Variants in UTRN observed in about 807,000 individuals in gnomAD.
UTRN encodes dystrophin-related protein 1.
A neutral mutation model predicts 463.9 loss-of-function variants in UTRN; 283 were observed. That is an observed-to-expected ratio of 0.61 (90% CI 0.55 to 0.67). The LOEUF (loss-of-function observed/expected upper bound fraction) is 0.67, where lower values mean the gene tolerates loss of function less well. UTRN is among the 30% of genes least tolerant of loss of function. The pLI, the probability that UTRN is intolerant of heterozygous loss-of-function variation, is 0.00. For missense variants in UTRN, 3,922 were observed against 4,084.3 expected (o/e 0.96, Z 1.08); for synonymous variants, 1,442 against 1,431.5 (o/e 1.01, Z -0.17).
chr6:144,386,725 A>C (rs1270158616), intron 2 of UTRN, among the ~76,000 whole-genome samples: 2 of 152,108 alleles, frequency 1.3e-5, no homozygotes, highest in Non-Finnish European at 2.9e-5. Flanking sequence ...TGCTTATTAT[A>C]AATATTTATC....
chr6:144,349,901 T>C (rs1325054445), intron 2 of UTRN, among the ~76,000 whole-genome samples: 2 of 152,222 alleles, frequency 1.3e-5, no homozygotes, highest in Non-Finnish European at 2.9e-5. Context: ...TCGCTCCTGC[T>C]CCAGTATTTT....
chr6:144,399,535 G>A (rs1782749517), intron 2 of UTRN, among the ~76,000 whole-genome samples: 1 of 152,112 alleles, frequency 6.6e-6, no homozygotes, highest in Non-Finnish European at 1.5e-5. Context: ...TTGGCTAAAG[G>A]TCTAGGTGCT....
At chr6:144,372,716 T>C (rs1780108284) in intron 2 of UTRN, among the ~76,000 whole-genome samples, 1 of 152,138 alleles carries the variant, frequency 6.6e-6, no homozygotes, top group South Asian at 2.1e-4. Flanking sequence ...TTGGCCCGGC[T>C]GGTCTTGAAC....
At chr6:144,572,738 T>C (rs531895942) in intron 50 of UTRN, among the ~76,000 whole-genome samples, 1 of 152,354 alleles carries the variant, frequency 6.6e-6, no homozygotes, top group East Asian at 1.9e-4. Flanking sequence ...CATTCTTTTT[T>C]ATGGCTGCAT....
chr6:144,750,726 T>G (rs986702088), intron 55 of UTRN, among the ~76,000 whole-genome samples: 1 of 152,216 alleles, frequency 6.6e-6, no homozygotes, highest in Non-Finnish European at 1.5e-5. Flanking sequence ...TAGCTTAATA[T>G]TGCTCAAATA....
intron 69 of UTRN, among the ~76,000 whole-genome samples, chr6:144,833,979 TA>T (rs1343145584): frequency 2.0e-5 from 3 of 152,212 alleles, no homozygotes; most frequent in Non-Finnish European, 4.4e-5. Context: ...AGTGGTGCAG[TA>T]CCCATACTCT....
At chr6:144,507,053 T>C (rs1345406159) in intron 34 of UTRN, among the ~76,000 whole-genome samples, 1 of 152,014 alleles carries the variant, frequency 6.6e-6, no homozygotes, top group East Asian at 1.9e-4. Context: ...GCTTGATCGA[T>C]TCAGCTATTG....
chr6:144,798,344 G>T (rs1290084230), intron 64 of UTRN, among the ~76,000 whole-genome samples: 1 of 152,092 alleles, frequency 6.6e-6, no homozygotes, highest in African/African-American at 2.4e-5. Context: ...TGAGGTCTTG[G>T]GGTCAAACTT....
chr6:144,652,619 G>A (rs745314883), intron 51 of UTRN, among the ~76,000 whole-genome samples: 10 of 152,124 alleles, frequency 6.6e-5, no homozygotes, highest in African/African-American at 9.7e-5. Context: ...ACTTTAGACC[G>A]TAGTATCACA....
intron 50 of UTRN, among the ~76,000 whole-genome samples, chr6:144,559,495 A>G (rs903512745): frequency 6.6e-6 from 1 of 152,158 alleles, no homozygotes; most frequent in Non-Finnish European, 1.5e-5. Context: ...ACTATTTTAA[A>G]TGGACATCTT....
At chr6:144,768,953 G>GTTTTTTTTTTTT (rs1224806677) in intron 58 of UTRN, among the ~76,000 whole-genome samples, 8 of 105,080 alleles carry the variant, frequency 7.6e-5, no homozygotes, top group South Asian at 7.3e-4. Flanking sequence ...TTTTTGTTTT[G>GTTTTTTTTTTTT]TTTTGTTTTT....
At chr6:144,487,889 A>G (rs534509720) in intron 29 of UTRN, among the ~76,000 whole-genome samples, 192 bp downstream of exon 29, 45 of 152,314 alleles carry the variant, frequency 3.0e-4, no homozygotes, top group Non-Finnish European at 5.9e-4. Flanking sequence ...TCTAAGACAG[A>G]ACTGGATGAT....
intron 2 of UTRN, among the ~76,000 whole-genome samples, chr6:144,376,687 G>A (rs1178262155): frequency 6.6e-6 from 1 of 151,974 alleles, no homozygotes; most frequent in Non-Finnish European, 1.5e-5. Context: ...ATAGCATTAT[G>A]TTCTTTACTT....
At chr6:144,574,144 C>CCACT (rs375634790) in intron 50 of UTRN, among the ~76,000 whole-genome samples, 21 of 152,226 alleles carry the variant, frequency 1.4e-4, no homozygotes, top group African/African-American at 5.1e-4. Context: ...AAGGAGCACA[C>CCACT]CACTATTACC....
At chr6:144,459,906 G>A (rs535401731) in intron 21 of UTRN, among the ~76,000 whole-genome samples, 24 of 151,998 alleles carry the variant, frequency 1.6e-4, no homozygotes, top group African/African-American at 5.5e-4. Context: ...CAAAATAACA[G>A]GTGTTAGGCA....
chr6:144,795,391 A>G (rs1373629940), intron 63 of UTRN, among the ~76,000 whole-genome samples: 4 of 152,150 alleles, frequency 2.6e-5, no homozygotes, highest in African/African-American at 9.7e-5. Flanking sequence ...ATACCTAGTA[A>G]TGGGATTTCT....
intron 51 of UTRN, among the ~76,000 whole-genome samples, chr6:144,635,942 A>T (rs1777125857): frequency 6.6e-6 from 1 of 151,786 alleles, no homozygotes; most frequent in East Asian, 1.9e-4. Context: ...GAAAATTATT[A>T]TTTTTTTTAA....
chr6:144,336,494 CT>C, intron 2 of UTRN, among the ~76,000 whole-genome samples: 1 of 152,064 alleles, frequency 6.6e-6, no homozygotes, highest in Admixed American at 6.5e-5. Flanking sequence ...ATTTTTTTTC[CT>C]GCCAACACCA....
intron 41 of UTRN, among the ~76,000 whole-genome samples, chr6:144,528,901 G>A (rs1345213939): frequency 6.6e-6 from 1 of 152,214 alleles, no homozygotes; most frequent in African/African-American, 2.4e-5. Flanking sequence ...CTACTGGGGC[G>A]AGTAGAGAAA....
Sources: gnomAD v4.1 joint callset for allele counts (sites outside exome capture counted in the v4.1 genomes callset) on GRCh38, gnomAD v4.1.1 for gene constraint, MANE v1.5 for transcripts, NCBI Gene and HGNC (gene_info 2026-07-23, HGNC 2026-07-21) for gene names.